The following SH3PXD2B variants were observed in gnomAD, a reference collection of about 807,000 sequenced individuals.
SH3PXD2B encodes SH3 and PX domains 2B.
A neutral mutation model predicts 73.1 loss-of-function variants in SH3PXD2B; 37 were observed. That is an observed-to-expected ratio of 0.51 (90% CI 0.39 to 0.67). SH3PXD2B has a LOEUF of 0.67. SH3PXD2B is among the 30% of genes least tolerant of loss of function. The pLI is 0.00. For synonymous variants in SH3PXD2B, 457 were observed against 480.5 expected, an observed-to-expected ratio of 0.95 and a Z score of 0.64; for missense variants, 1,053 against 1,197.8, an observed-to-expected ratio of 0.88 and a Z score of 1.78.
rs748920360 is a variant in SH3PXD2B at position 172,325,312 on chromosome 5, T to G, written c.1257A>C (p.Ala419=). The G allele has an allele frequency of 2.0e-5, 30 of 1,535,564 alleles. No homozygotes were observed. In the South Asian group the frequency reaches 2.1e-4, roughly 11 times the overall value. ...TGGAAGCTGCCACGTGCTTCCCAAGTGCTGTCCGCATCTTGATTCTTCTAA... is the reference window on the plus strand; with the variant it reads ...TGGAAGCTGCCACGTGCTTCCCAAGGGCTGTCCGCATCTTGATTCTTCTAA... Residue 419 remains alanine, a synonymous_variant, in exon 13 of 13, where the codon GCA becomes GCC. Coordinates refer to the SH3PXD2B transcript ENST00000519643.
intron 2 of SH3PXD2B, among the ~76,000 whole-genome samples, chr5:172,409,108 G>A (rs754858377): frequency 2.0e-5 from 3 of 152,030 alleles, no homozygotes; most frequent in Admixed American, 1.3e-4. Context: ...CTGGCCAGGC[G>A]CGGTGGCTCA....
chr5:172,416,365 G>T (rs1314853824), intron 2 of SH3PXD2B, among the ~76,000 whole-genome samples: 4 of 148,458 alleles, frequency 2.7e-5, no homozygotes, highest in African/African-American at 1.0e-4. Flanking sequence ...TTTCGCTCTT[G>T]TTGCCTAAGC....
At chr5:172,404,102 C>T (rs1758495401) in intron 3 of SH3PXD2B, among the ~76,000 whole-genome samples, 1 of 152,144 alleles carries the variant, frequency 6.6e-6, no homozygotes, top group Admixed American at 6.6e-5. Flanking sequence ...GGAGAAACTA[C>T]AAATGTTAGC....
At chr5:172,349,962 C>T (rs573077735) in intron 10 of SH3PXD2B, among the ~76,000 whole-genome samples, 2 of 152,146 alleles carry the variant, frequency 1.3e-5, no homozygotes, top group Non-Finnish European at 2.9e-5. Context: ...TCAAGCGATT[C>T]TCCTATCTCA....
In SH3PXD2B at chr5:172,422,513, G is replaced by A. The variant is rs1396175723; in HGVS notation, c.76-17C>T. On this transcript the variant is annotated splice_polypyrimidine_tract_variant and intron_variant, in intron 1 of 12. Transcript: ENST00000311601. ...GATGTAGACCTGCGGGAGCAACAGA[G>A]GAGATGGGTGTTAACACCAGAAGGT... is the stretch of plus-strand genomic sequence containing the variant. The A allele has an allele frequency of 1.4e-5, 22 of 1,606,172 alleles. No homozygotes were observed. The highest frequency in any genetic ancestry group is 1.8e-5 in the Non-Finnish European group (21 of 1,177,274).
intron 6 of SH3PXD2B, among the ~76,000 whole-genome samples, chr5:172,368,963 C>T (rs1286280967): frequency 6.8e-6 from 1 of 148,110 alleles, no homozygotes; most frequent in African/African-American, 2.5e-5. Context: ...GGTGCAATCT[C>T]GGTTCACTGC....
chr5:172,380,232 T>A (rs1757913252), intron 5 of SH3PXD2B, among the ~76,000 whole-genome samples: 1 of 152,128 alleles, frequency 6.6e-6, no homozygotes, highest in Non-Finnish European at 1.5e-5. Context: ...TAATTTTTTT[T>A]TTATTTTTAG....
chr5:172,445,508 C>T lies in SH3PXD2B; in HGVS notation c.75+8770G>A, dbSNP rs967243234. On this transcript the variant is annotated intron_variant, in intron 1 of 12. Transcript: ENST00000311601. The surrounding 1 kb of genome is among the most constrained non-coding windows in gnomAD (Gnocchi z 5.2). ...TACAGGCGTGAACTCCCATGCCCAG[C>T]CCTTATAATGAAGGCTTCTTGGTGG... 6.6e-6 allele frequency among the ~76,000 whole-genome samples: 1 copy of T among 152,182 alleles called. No homozygotes were observed. The highest frequency in any genetic ancestry group is 2.4e-5 in the African/African-American group (1 of 41,448).
rs201272196 is a variant in SH3PXD2B at position 172,339,613 on chromosome 5, C to T, written c.1492G>A (p.Ala498Thr). The change falls in exon 13 of 13, where the codon GCA (alanine) becomes ACA (threonine). Residue 498 changes from alanine (A) to threonine (T), a missense_variant. Physicochemically the swap from Ala to Thr is moderately conservative, Grantham distance 58. Coordinates refer to ENST00000311601, the MANE Select transcript of SH3PXD2B (RefSeq NM_001017995.3). The surrounding 1 kb of genome is among the most constrained non-coding windows in gnomAD (Gnocchi z 6.1). ...GCTGACGCAGACATGTCTGAAGATG[C>T]CTTCCTCAGGACATCCTTACTGCCC... ...WKGSKDVLRK[A>T]SSDMSASAGY... 61 of 1,614,240 alleles carry T rather than the reference C, an allele frequency of 3.8e-5. No homozygotes were observed. The highest frequency in any genetic ancestry group is 1.6e-4 in the Middle Eastern group (1 of 6,062).
At position 172,333,814 on chromosome 5, in the gene SH3PXD2B, A is replaced by G. The variant is rs567865791; in HGVS notation, c.*4555T>C. On this transcript the variant is annotated 3_prime_UTR_variant, in exon 13 of 13. Coordinates refer to ENST00000311601, the MANE Select transcript of SH3PXD2B (RefSeq NM_001017995.3). ...GGCCTGTTACTTGGAAGCTCCCCAA[A>G]GCAGGAAATGTGGGTTGTAATCAAG... 8 of 1,288,912 alleles carry G rather than the reference A, an allele frequency of 6.2e-6. No individual in the cohort carries two copies. The highest frequency in any genetic ancestry group is 2.1e-4 in the Middle Eastern group (1 of 4,696). The allele number at this position is 1,288,912 out of a possible 1,614,324, so 79.8% of individuals were successfully genotyped here.
chr5:172,353,016 G>A lies in SH3PXD2B; in HGVS notation c.785+872C>T, dbSNP rs1380067982. 6.6e-6 allele frequency among the ~76,000 whole-genome samples: 1 copy of A among 152,046 alleles called. No individual in the cohort carries two copies. Among genetic ancestry groups the A allele is most frequent in the African/African-American group, 2.4e-5 (1 of 41,406 alleles). On this transcript the variant is annotated intron_variant, in intron 9 of 12. Transcript: ENST00000311601. The surrounding 1 kb of genome is among the most constrained non-coding windows in gnomAD (Gnocchi z 4.3). ...AAGTCCCCATGCATCCCTCCAACAT[G>A]GCCAACCCTCTGCTCTATCACCGTT...
downstream of SH3PXD2B, among the ~76,000 whole-genome samples, chr5:172,329,083 A>ATTTTTTTTTTTTT (rs1164155218): frequency 4.9e-5 from 3 of 61,812 alleles, no homozygotes; most frequent in African/African-American, 7.8e-5. Context: ...ATATATATAT[A>ATTTTTTTTTTTTT]TTTTTTTTTT....
intron 1 of SH3PXD2B, among the ~76,000 whole-genome samples, chr5:172,427,839 G>T (rs1263100971): frequency 6.6e-6 from 1 of 151,602 alleles, no homozygotes; most frequent in Non-Finnish European, 1.5e-5. Context: ...GTGCAGTGGG[G>T]TGATCTCGGC....
downstream of SH3PXD2B, among the ~76,000 whole-genome samples, chr5:172,329,057 GTGTATATATA>G (rs1212252416): frequency 2.9e-5 from 3 of 105,162 alleles, no homozygotes; most frequent in African/African-American, 3.8e-5. Context: ...GTGTGTGTGT[GTGTATATATA>G]TATATATATA....
Position 172,353,868 on chromosome 5 carries a change from T to TG in SH3PXD2B, c.785+19dup, listed in dbSNP as rs978120938. On this transcript the variant is annotated intron_variant, in intron 9 of 12. Coordinates refer to ENST00000311601, the MANE Select transcript of SH3PXD2B (RefSeq NM_001017995.3). The surrounding 1 kb of genome is among the most constrained non-coding windows in gnomAD (Gnocchi z 4.3). ...TGACCCCAAACCCACCCAGCAACCG[T>TG]GGGGGGCAGCGGCTGGTACCTGATC... The TG allele has an allele frequency of 1.9e-5, 30 of 1,603,056 alleles. No homozygotes were observed. The highest frequency in any genetic ancestry group is 2.5e-5 in the Non-Finnish European group (29 of 1,171,142).
chr5:172,325,233 T>C (rs911914266), exon 13 of SH3PXD2B: 3 of 1,400,244 alleles, frequency 2.1e-6, no homozygotes, highest in African/African-American at 2.9e-5. Flanking sequence ...TAAAAGCAGT[T>C]TAGCAAATTC....
intron 5 of SH3PXD2B, among the ~76,000 whole-genome samples, chr5:172,378,141 G>A (rs1033904814): frequency 6.6e-6 from 1 of 152,184 alleles, no homozygotes; most frequent in African/African-American, 2.4e-5. Flanking sequence ...CTTTGTCCCC[G>A]AGTGTCCTTC....
At chr5:172,415,651 TG>T (rs1350393102) in intron 2 of SH3PXD2B, among the ~76,000 whole-genome samples, 13 of 152,128 alleles carry the variant, frequency 8.5e-5, no homozygotes, top group Non-Finnish European at 1.8e-4. Flanking sequence ...CTGCCGATAT[TG>T]TTACTATGTG....
At chr5:172,397,038 G>C (rs1175765411) in intron 3 of SH3PXD2B, among the ~76,000 whole-genome samples, 1 of 152,232 alleles carries the variant, frequency 6.6e-6, no homozygotes, top group African/African-American at 2.4e-5. Flanking sequence ...AGGCGGAACA[G>C]AGCCATATTT....
Sources: allele counts gnomAD v4.1 joint callset (sites outside exome capture counted in the v4.1 genomes callset), GRCh38; gene constraint gnomAD v4.1.1; non-coding constraint Gnocchi (gnomAD v3.1); transcripts MANE v1.5; gene names NCBI Gene and HGNC (gene_info 2026-07-23, HGNC 2026-07-21).